The following ABCC4 variants were observed in gnomAD, a reference collection of about 807,000 sequenced individuals.
ABCC4 encodes the protein ATP binding cassette subfamily C member 4 (PEL blood group).
In ABCC4, 102 loss-of-function variants were observed where a neutral mutation model predicts 168.5. The ratio of observed to expected loss-of-function variants is 0.61; its 90% CI spans 0.52 to 0.71. ABCC4 has a LOEUF of 0.71. ABCC4 is among the 30% of genes least tolerant of loss of function. The pLI is 0.00. For missense variants in ABCC4, 1,402 were observed against 1,605.8 expected (o/e 0.87, Z 2.17); for synonymous variants, 617 against 590.7 (o/e 1.04, Z -0.65).
intron 4 of ABCC4, 121 bp from the exon 5 acceptor site, chr13:95,210,902 C>T: frequency 1.6e-6 from 1 of 620,036 alleles, no homozygotes; most frequent in Non-Finnish European, 2.8e-6. Flanking sequence ...CACAAGCATC[C>T]CCACCCCCCC....
At chr13:95,155,607 G>A (rs2139522722) in intron 19 of ABCC4, among the ~76,000 whole-genome samples, 1 of 152,054 alleles carries the variant, frequency 6.6e-6, no homozygotes, top group Admixed American at 6.5e-5. Context: ...TTACACTGTT[G>A]AAGGCATCGA....
At chr13:95,208,048 G>A (rs2038833539) in intron 6 of ABCC4, 123 bp from the exon 7 acceptor site, 1 of 990,388 alleles carries the variant, frequency 1.0e-6, no homozygotes, top group Non-Finnish European at 1.5e-6. Context: ...CGACAACACA[G>A]ACAGGTCCTA....
At chr13:95,210,284 G>A (rs2038915534) in intron 5 of ABCC4, among the ~76,000 whole-genome samples, 1 of 152,146 alleles carries the variant, frequency 6.6e-6, no homozygotes, top group South Asian at 2.1e-4. Flanking sequence ...CTTGAGACCA[G>A]CCTGCGCAAC....
intron 29 of ABCC4, among the ~76,000 whole-genome samples, 185 bp from the exon 30 acceptor site, chr13:95,034,924 T>C (rs1723505563): frequency 6.6e-6 from 1 of 152,230 alleles, no homozygotes; most frequent in South Asian, 2.1e-4. Context: ...CCTGACCTTT[T>C]ATTACTATAA....
chr13:95,164,513 C>G lies in ABCC4; in HGVS notation c.2040G>C (p.Glu680Asp). 3 of 1,614,016 alleles carry G rather than the reference C, an allele frequency of 1.9e-6. No homozygotes were observed. Among genetic ancestry groups the G allele is most frequent in the Non-Finnish European group, 1.7e-6 (2 of 1,179,988 alleles). Reference protein sequence around the residue: ...KDGALESQDTENVPVTLSEEN... With the variant: ...KDGALESQDTDNVPVTLSEEN... ...CCTCTGATAGTGTAACTGGGACATT[C>G]TCTGTCTGCAGAGGAAAAAAGGTGG... The change falls in exon 16 of 31, where the codon GAG (glutamate) becomes GAC (aspartate). Residue 680 changes from glutamate (E) to aspartate (D), a missense_variant. Coordinates refer to ENST00000645237, the MANE Select transcript of ABCC4 (RefSeq NM_005845.5).
intron 12 of ABCC4, 48 bp downstream of exon 12, chr13:95,177,949 G>C: frequency 6.3e-7 from 1 of 1,586,306 alleles, no homozygotes; most frequent in South Asian, 1.1e-5. Context: ...ACCACCACTG[G>C]AAGGTATCAA....
intron 1 of ABCC4, among the ~76,000 whole-genome samples, chr13:95,267,549 G>T (rs2040717795): frequency 6.6e-6 from 1 of 152,166 alleles, no homozygotes; most frequent in Non-Finnish European, 1.5e-5. Context: ...TACAGGCATG[G>T]TGACAAGGGG....
At chr13:95,210,174 G>A (rs1311667605) in intron 5 of ABCC4, among the ~76,000 whole-genome samples, 1 of 152,188 alleles carries the variant, frequency 6.6e-6, no homozygotes, top group Non-Finnish European at 1.5e-5. Flanking sequence ...CCGCTACAAG[G>A]TAAGTATTAA....
At chr13:95,158,144 C>T (rs72643625) in intron 19 of ABCC4, among the ~76,000 whole-genome samples, 13,719 of 151,972 alleles carry the variant, frequency 0.09, 695 homozygotes, top group Middle Eastern at 0.14. Context: ...TTTACCTTCC[C>T]CTTCTCCCTA....
intron 20 of ABCC4, among the ~76,000 whole-genome samples, chr13:95,107,132 C>T (rs761844215): frequency 5.3e-5 from 8 of 152,112 alleles, no homozygotes; most frequent in Non-Finnish European, 8.8e-5. Flanking sequence ...TGGCAGTCAC[C>T]TGTAATCCCA....
chr13:95,029,246 AGAGAGAGAAAGAG>A (rs2031747455), intron 30 of ABCC4, among the ~76,000 whole-genome samples: 3 of 5,110 alleles, frequency 5.9e-4, no homozygotes, highest in African/African-American at 1.0e-3. Context: ...AGAGAGAGAG[AGAGAGAGAAAGAG>A]AGAGAGAGAG....
chr13:95,097,583 A>AT (rs1445024028), intron 20 of ABCC4, among the ~76,000 whole-genome samples: 2 of 145,182 alleles, frequency 1.4e-5, no homozygotes, highest in Non-Finnish European at 3.0e-5. Flanking sequence ...CAGCTACAGA[A>AT]TATACATTCT....
chr13:95,256,782 A>C (rs561084696), intron 1 of ABCC4, among the ~76,000 whole-genome samples: 2 of 150,408 alleles, frequency 1.3e-5, no homozygotes, highest in African/African-American at 4.9e-5. Context: ...AAGAAAAATC[A>C]AAAAAAAAAT....
Position 95,209,557 on chromosome 13 carries a change from T to G in ABCC4, c.662A>C (p.Gln221Pro). The change falls in exon 6 of 31, where the codon CAG (glutamine) becomes CCG (proline). Residue 221 changes from glutamine to proline, a missense_variant. This residue lies in a region of ABCC4 where 317 missense variants were observed against 345.5 expected (regional missense o/e 0.92). Coordinates refer to ENST00000645237, the MANE Select transcript of ABCC4 (RefSeq NM_005845.5). ...GAGTAGGGCAGTCACTGCAATCGCC[T>G]GCAGTGGTCCTGCCCACAGGAAGTG... is the stretch of plus-strand genomic sequence containing the variant. ...FLHFLWAGPL[Q>P]AIAVTALLWM... is the part of the protein sequence containing the mutation. 1 of 1,614,114 alleles carries G rather than the reference T, an allele frequency of 6.2e-7. No individual in the cohort carries two copies.
intron 3 of ABCC4, among the ~76,000 whole-genome samples, chr13:95,243,515 G>A (rs10508019): frequency 0.066 from 10,019 of 152,242 alleles, 462 homozygotes; most frequent in East Asian, 0.17. Flanking sequence ...CAGCGTGGAT[G>A]TTGATGAACT....
intron 8 of ABCC4, among the ~76,000 whole-genome samples, chr13:95,204,843 GATAACATGAA>G (rs1306033292): frequency 7.2e-5 from 11 of 152,112 alleles, no homozygotes; most frequent in Non-Finnish European, 1.6e-4. Flanking sequence ...CAATTGTGAG[GATAACATGAA>G]ATAACATGTA....
At chr13:95,241,165 C>T (rs1214748260) in intron 3 of ABCC4, among the ~76,000 whole-genome samples, 2 of 151,930 alleles carry the variant, frequency 1.3e-5, no homozygotes, top group Non-Finnish European at 1.5e-5. Context: ...GAGATCGAGA[C>T]CATCCTGGCC....
At chr13:95,255,427 C>T (rs555934927) in intron 1 of ABCC4, among the ~76,000 whole-genome samples, 1 of 152,118 alleles carries the variant, frequency 6.6e-6, no homozygotes, top group African/African-American at 2.4e-5. Flanking sequence ...CCCTAAAGTT[C>T]AACGATCACC....
intron 28 of ABCC4, among the ~76,000 whole-genome samples, chr13:95,044,023 C>T (rs890921522): frequency 1.3e-5 from 2 of 152,156 alleles, no homozygotes; most frequent in Non-Finnish European, 2.9e-5. Context: ...CTCCAAATTG[C>T]TTAAAGCTGA....
Sources: gnomAD v4.1 joint callset for allele counts (sites outside exome capture counted in the v4.1 genomes callset) on GRCh38, gnomAD v4.1.1 for gene constraint, gnomAD v4.1.1 regional missense constraint, MANE v1.5 for transcripts, NCBI Gene and HGNC (gene_info 2026-07-23, HGNC 2026-07-21) for gene names.